Variants in ATP11B observed in about 807,000 individuals in gnomAD.
ATP11B encodes ATPase phospholipid transporting 11B (putative), also known as phospholipid-transporting ATPase IF.
Under a neutral mutation model 157.8 loss-of-function variants are expected in ATP11B, and 81 were observed. The ratio of observed to expected loss-of-function variants is 0.51; its 90% CI spans 0.43 to 0.62. The LOEUF (loss-of-function observed/expected upper bound fraction) is 0.62, where lower values mean the gene tolerates loss of function less well. Ranked by LOEUF, ATP11B falls within the 20% of genes least tolerant of loss-of-function variation. The probability of loss-of-function intolerance (pLI) is 0.00; values close to 1 mark genes in which losing one functional copy is unlikely to be tolerated. For missense variants in ATP11B, 1,165 were observed against 1,402.2 expected, an observed-to-expected ratio of 0.83 and a Z score of 2.70; for synonymous variants, 451 against 469.4, an observed-to-expected ratio of 0.96 and a Z score of 0.51.
At chr3:182,895,895 A>G (rs10937103) in intron 25 of ATP11B, among the ~76,000 whole-genome samples, 43,854 of 151,970 alleles carry the variant, frequency 0.29, 6,789 homozygotes, top group East Asian at 0.56. Flanking sequence ...GCAAGATACG[A>G]TAGGGCTCTT....
chr3:182,802,402 A>C (rs1716071224), intron 1 of ATP11B, among the ~76,000 whole-genome samples: 1 of 152,104 alleles, frequency 6.6e-6, no homozygotes, highest in African/African-American at 2.4e-5. Context: ...AGTAAAAGCC[A>C]AAGTCTCTGC....
chr3:182,916,480 C>T (rs1032964282), intron 29 of ATP11B: 17 of 985,004 alleles, frequency 1.7e-5, no homozygotes, highest in Non-Finnish European at 1.9e-5. Context: ...ATGAAGTATC[C>T]CATATTGCAA....
At chr3:182,805,031 A>T (rs913344295) in intron 1 of ATP11B, among the ~76,000 whole-genome samples, 1 of 152,190 alleles carries the variant, frequency 6.6e-6, no homozygotes, top group Non-Finnish European at 1.5e-5. Context: ...CCATCAATTG[A>T]TGGACATTTG....
chr3:182,836,193 C>G (rs1298813528), intron 5 of ATP11B, 51 bp downstream of exon 5: 4 of 1,567,096 alleles, frequency 2.6e-6, no homozygotes, highest in Non-Finnish European at 3.5e-6. Flanking sequence ...TATCACAGGA[C>G]ATAATTCTAA....
intron 1 of ATP11B, among the ~76,000 whole-genome samples, chr3:182,800,666 G>C (rs886102638): frequency 1.3e-5 from 2 of 152,186 alleles, no homozygotes; most frequent in Admixed American, 6.5e-5. Flanking sequence ...TTTGACTCTT[G>C]GGTGTGCTTA....
chr3:182,910,379 C>T (rs370643476), intron 28 of ATP11B, among the ~76,000 whole-genome samples: 2 of 151,986 alleles, frequency 1.3e-5, no homozygotes, highest in African/African-American at 4.8e-5. Flanking sequence ...AGTTTGAGAC[C>T]AGCCTGGGCC....
At chr3:182,852,412 C>G (rs979345705) in intron 10 of ATP11B, among the ~76,000 whole-genome samples, 3 of 152,170 alleles carry the variant, frequency 2.0e-5, no homozygotes, top group Non-Finnish European at 4.4e-5. Context: ...TCCATAGATG[C>G]TACACATATC....
chr3:182,816,272 G>A (rs771171993), intron 1 of ATP11B, among the ~76,000 whole-genome samples: 10 of 152,186 alleles, frequency 6.6e-5, no homozygotes, highest in Non-Finnish European at 1.2e-4. Context: ...AAGCCAGGGT[G>A]GCTGGAATAG....
intron 11 of ATP11B, 44 bp from the exon 12 acceptor site, chr3:182,859,118 C>G: frequency 7.0e-7 from 1 of 1,436,052 alleles, no homozygotes. Context: ...TGAAGAAATT[C>G]TAGTTTATTT....
rs1467274377 is a variant in ATP11B, at chr3:182,879,764, A to G, written c.2406+115A>G. 6 of 932,808 alleles carry G rather than the reference A, an allele frequency of 6.4e-6. No individual in the cohort carries two copies. In the Admixed American group the frequency reaches 1.8e-4, roughly 28 times the overall value. The allele number at this position is 932,808 out of a possible 1,614,324, so 57.8% of individuals were successfully genotyped here. ...TGATGTGCAATATATACATTTTGCTAGGAGTCAGTCACATCTCATGTTGTA... is the reference window on the plus strand; with the variant it reads ...TGATGTGCAATATATACATTTTGCTGGGAGTCAGTCACATCTCATGTTGTA... On this transcript the variant is annotated intron_variant, in intron 20 of 29. Transcript: ENST00000323116.
intron 10 of ATP11B, among the ~76,000 whole-genome samples, chr3:182,854,286 A>G (rs2108528300): frequency 6.6e-6 from 1 of 152,258 alleles, no homozygotes; most frequent in African/African-American, 2.4e-5. Flanking sequence ...CCTGACCAAC[A>G]TGGAGAAACC....
intron 28 of ATP11B, among the ~76,000 whole-genome samples, chr3:182,902,149 A>C (rs1417750231): frequency 1.3e-5 from 2 of 152,232 alleles, no homozygotes; most frequent in Non-Finnish European, 2.9e-5. Context: ...CCTGATTTCA[A>C]ATGATGGAGA....
chr3:182,814,849 C>T (rs1716879065), intron 1 of ATP11B, among the ~76,000 whole-genome samples: 1 of 152,046 alleles, frequency 6.6e-6, no homozygotes, highest in Non-Finnish European at 1.5e-5. Flanking sequence ...GATACAGAGA[C>T]AAGCAATTAG....
chr3:182,862,061 C>T (rs1299767381), intron 12 of ATP11B, among the ~76,000 whole-genome samples: 3 of 151,550 alleles, frequency 2.0e-5, no homozygotes, highest in African/African-American at 7.3e-5. Flanking sequence ...GCCTGGAGAA[C>T]ATGGCAAAAC....
chr3:182,816,027 T>C (rs1447324251), intron 1 of ATP11B, among the ~76,000 whole-genome samples: 5 of 152,290 alleles, frequency 3.3e-5, no homozygotes. Context: ...AAATCAATCC[T>C]GTCTTGTGTA....
At chr3:182,881,132 C>T (rs115246215) in intron 21 of ATP11B, 151 bp downstream of exon 21, 283 of 528,630 alleles carry the variant, frequency 5.4e-4, no homozygotes, top group African/African-American at 5.1e-3. Context: ...CAGTGTGCCC[C>T]ATCAGAAACT....
intron 2 of ATP11B, among the ~76,000 whole-genome samples, chr3:182,826,565 AG>A (rs1293255421): frequency 3.3e-5 from 5 of 152,328 alleles, no homozygotes; most frequent in Non-Finnish European, 5.9e-5. Flanking sequence ...CTTTGGCTCC[AG>A]GAAGTATCTA....
chr3:182,901,384 T>TA (rs531359218), intron 28 of ATP11B, among the ~76,000 whole-genome samples: 279 of 148,378 alleles, frequency 1.9e-3, no homozygotes, highest in Non-Finnish European at 3.7e-3. Context: ...TTTATAAGAG[T>TA]AAATATAGGT....
Position 182,867,381 on chromosome 3 carries a change from G to A in ATP11B, c.1625G>A (p.Gly542Asp), listed in dbSNP as rs1434596715. Residue 542 changes from glycine to aspartate, a missense_variant, in exon 15 of 30, where the codon GGT (glycine) becomes GAT (aspartate). Gly to Asp is a moderately conservative substitution (Grantham distance 94). This residue lies in a region of ATP11B where 737 missense variants were observed against 930.5 expected (regional missense o/e 0.79). Transcript: ENST00000323116. ...TTTATCCTTTTGATGTCTAGGATTG[G>A]TATTGTGTTTATTGGCAATTCTGAA... ...KALVEAAARIGIVFIGNSEET... is the reference protein window; with the variant it reads ...KALVEAAARIDIVFIGNSEET... The A allele has an allele frequency of 6.2e-7, 1 of 1,601,996 alleles. No individual in the cohort carries two copies. Among genetic ancestry groups the A allele is most frequent in the East Asian group, 2.2e-5 (1 of 44,750 alleles).
Sources: allele counts gnomAD v4.1 joint callset (sites outside exome capture counted in the v4.1 genomes callset), GRCh38; gene constraint gnomAD v4.1.1; regional missense constraint gnomAD v4.1.1; transcripts MANE v1.5; gene names NCBI Gene and HGNC (gene_info 2026-07-23, HGNC 2026-07-21).